Variants in TCF12 observed in about 807,000 individuals in gnomAD.
TCF12 encodes the protein transcription factor 12, also known as DNA-binding protein HTF4.
In TCF12, 45 loss-of-function variants were observed where a neutral mutation model predicts 86.0. The ratio of observed to expected loss-of-function variants is 0.52; its 90% CI spans 0.41 to 0.67. The LOEUF (loss-of-function observed/expected upper bound fraction) is 0.67. Ranked by LOEUF, TCF12 falls within the 30% of genes least tolerant of loss-of-function variation. The pLI, the probability that TCF12 is intolerant of heterozygous loss-of-function variation, is 0.00. For missense variants in TCF12, 881 were observed against 859.9 expected (o/e 1.02, Z -0.31); for synonymous variants, 330 against 299.6 (o/e 1.10, Z -1.05).
At chr15:57,184,497 A>T (rs192970338) in intron 6 of TCF12, among the ~76,000 whole-genome samples, 3 of 152,272 alleles carry the variant, frequency 2.0e-5, no homozygotes, top group Admixed American at 1.3e-4. Context: ...GACCAGCTTC[A>T]TATGTGCCTT....
rs369791827 is a variant in TCF12, at chr15:57,253,269, G to A, written c.1268G>A (p.Arg423Gln). Reference protein sequence around the residue: ...SFLKDVCEQSRMEDRLDRLDD... With the variant: ...SFLKDVCEQSQMEDRLDRLDD... ...TTTTTTTAATCCATACAGCAGTCTCGAATGGAGGATCGTTTAGACAGACTG... is the reference window on the plus strand; with the variant it reads ...TTTTTTTAATCCATACAGCAGTCTCAAATGGAGGATCGTTTAGACAGACTG... The change falls in exon 16 of 21, where the codon CGA (arginine) becomes CAA (glutamine). Residue 423 changes from arginine to glutamine, a missense_variant. By Grantham distance (43) the Arg-to-Gln change is conservative. Coordinates refer to ENST00000333725, the MANE Select transcript of TCF12 (RefSeq NM_207037.2). The A allele has an allele frequency of 1.8e-5, 29 of 1,613,650 alleles. No homozygotes were observed. Among genetic ancestry groups the A allele is most frequent in the Non-Finnish European group, 2.4e-5 (28 of 1,179,898 alleles).
At chr15:56,932,903 T>C (rs992141637) in intron 3 of TCF12, among the ~76,000 whole-genome samples, 20 of 152,218 alleles carry the variant, frequency 1.3e-4, no homozygotes, top group African/African-American at 4.3e-4. Flanking sequence ...ATAAAATAGT[T>C]AATTAAGGAC....
At chr15:57,073,191 C>T (rs1414708983) in intron 4 of TCF12, among the ~76,000 whole-genome samples, 3 of 152,144 alleles carry the variant, frequency 2.0e-5, no homozygotes, top group Admixed American at 6.5e-5. Context: ...CATGAAATAA[C>T]ATCTTGATCA....
chr15:57,197,935 T>C, intron 8 of TCF12, 110 bp downstream of exon 8: 1 of 1,065,968 alleles, frequency 9.4e-7, no homozygotes, highest in Non-Finnish European at 1.4e-6. Context: ...ATACTTTACA[T>C]AGTAATTGTT....
intron 5 of TCF12, among the ~76,000 whole-genome samples, chr15:57,127,693 A>G (rs1381105652): frequency 1.3e-5 from 2 of 152,214 alleles, no homozygotes; most frequent in African/African-American, 4.8e-5. Flanking sequence ...AGTCACTCCC[A>G]GTGAAAGTGT....
intron 3 of TCF12, among the ~76,000 whole-genome samples, chr15:57,034,107 T>C (rs1216932306): frequency 2.0e-5 from 3 of 152,216 alleles, no homozygotes; most frequent in African/African-American, 7.2e-5. Context: ...GGATACAGTT[T>C]AACACTTCAT....
intron 6 of TCF12, among the ~76,000 whole-genome samples, chr15:57,185,900 A>G (rs1455973418): frequency 6.6e-6 from 1 of 152,162 alleles, no homozygotes; most frequent in Non-Finnish European, 1.5e-5. Flanking sequence ...AACAAAAGTA[A>G]ACAAAAAGAT....
intron 19 of TCF12, among the ~76,000 whole-genome samples, chr15:57,274,865 A>G (rs1255557107): frequency 6.6e-6 from 1 of 152,150 alleles, no homozygotes; most frequent in African/African-American, 2.4e-5. Flanking sequence ...TTGTGTTTTT[A>G]AAAACTTTTT....
At chr15:57,134,874 T>G (rs577569428) in intron 5 of TCF12, among the ~76,000 whole-genome samples, 3 of 146,550 alleles carry the variant, frequency 2.0e-5, no homozygotes, top group Admixed American at 6.7e-5. Context: ...ATGTACAGTT[T>G]GAGGGTTTTT....
chr15:57,282,344 T>A, intron 19 of TCF12, 101 bp from the exon 20 acceptor site: 5 of 1,374,720 alleles, frequency 3.6e-6, no homozygotes, highest in Non-Finnish European at 5.1e-6. Flanking sequence ...TGGTACTTAG[T>A]ATGGGAATGA....
chr15:57,220,993 C>G (rs1259717100), intron 8 of TCF12, among the ~76,000 whole-genome samples: 2 of 152,076 alleles, frequency 1.3e-5, no homozygotes, highest in African/African-American at 4.8e-5. Flanking sequence ...ATATGGTTGT[C>G]TCTTCCCTTT....
chr15:57,154,492 ACCCTTTTT>A (rs1404598203), intron 5 of TCF12, among the ~76,000 whole-genome samples: 1 of 152,164 alleles, frequency 6.6e-6, no homozygotes, highest in African/African-American at 2.4e-5. Flanking sequence ...AAACATATCT[ACCCTTTTT>A]CCTCTATGTT....
At chr15:57,200,045 CT>C (rs11380359) in intron 8 of TCF12, among the ~76,000 whole-genome samples, 115 of 130,148 alleles carry the variant, frequency 8.8e-4, no homozygotes, top group East Asian at 6.1e-3. Flanking sequence ...CCACGGCTGG[CT>C]TTTTTTTTTT....
intron 5 of TCF12, among the ~76,000 whole-genome samples, chr15:57,113,539 TTTTTTC>T (rs1208343857): frequency 1.3e-5 from 2 of 152,166 alleles, no homozygotes; most frequent in South Asian, 2.1e-4. Context: ...TTTGCTTCTT[TTTTTTC>T]TTTTTCTTTT....
intron 5 of TCF12, among the ~76,000 whole-genome samples, chr15:57,133,293 C>T (rs1000843284): frequency 3.3e-5 from 5 of 152,184 alleles, no homozygotes; most frequent in African/African-American, 1.2e-4. Flanking sequence ...GCTTAGCCTG[C>T]CGTGTAAAGT....
rs572290337 is a variant in TCF12 at position 57,005,866 on chromosome 15, A to G, written c.149-57884A>G. Among the ~76,000 whole-genome samples, 10 of 152,310 alleles carry G rather than the reference A, an allele frequency of 6.6e-5. 1 individual carries two copies. In the South Asian group the frequency reaches 1.7e-3, roughly 25 times the overall value. On this transcript the variant is annotated intron_variant, in intron 3 of 20. Transcript: ENST00000333725. The stretch of plus-strand genomic sequence containing the variant: ...ATTACAGGTGTGAGCTACCACCCTC[A>G]GTCTGAGTATTTTACGGAAGCTAAA...
intron 3 of TCF12, among the ~76,000 whole-genome samples, chr15:56,924,091 A>G (rs1387748174): frequency 6.6e-6 from 1 of 152,148 alleles, no homozygotes; most frequent in African/African-American, 2.4e-5. Context: ...GGCCAGAAAA[A>G]TGAATTCTCA....
chr15:56,990,680 C>T (rs1481794169), intron 3 of TCF12, among the ~76,000 whole-genome samples: 1 of 152,144 alleles, frequency 6.6e-6, no homozygotes, highest in Non-Finnish European at 1.5e-5. Flanking sequence ...AGCTTGATAG[C>T]CCAATGTGTT....
Position 57,273,074 on chromosome 15 carries a change from A to G in TCF12, c.1790A>G (p.Glu597Gly). Residue 597 changes from glutamate (E) to glycine (G), a missense_variant, in exon 19 of 21, where the codon GAA becomes GGA. Glu to Gly is a moderately conservative substitution (Grantham distance 98). Transcript: ENST00000333725. Reference sequence around the variant, plus strand: ...GATTTGAACCCTGAACAGAAGATAGAAAGGGAGAAGGAGAGGCGGATGGCT... The same window carrying G: ...GATTTGAACCCTGAACAGAAGATAGGAAGGGAGAAGGAGAGGCGGATGGCT... ...DEDLNPEQKI[E>G]REKERRMANN... 2 of 1,614,232 alleles carry G rather than the reference A, an allele frequency of 1.2e-6. No individual in the cohort carries two copies. Among genetic ancestry groups the G allele is most frequent in the Non-Finnish European group, 1.7e-6 (2 of 1,180,030 alleles).
Sources: allele counts gnomAD v4.1 joint callset (sites outside exome capture counted in the v4.1 genomes callset), GRCh38; gene constraint gnomAD v4.1.1; transcripts MANE v1.5; gene names NCBI Gene and HGNC (gene_info 2026-07-23, HGNC 2026-07-21).